The following CAST variants were observed in gnomAD, a reference collection of about 807,000 sequenced individuals.
CAST encodes the protein calpastatin, also known as MIR583 host.
CAST carries 76 observed loss-of-function variants against 119.6 expected under a neutral mutation model. That is an observed-to-expected ratio of 0.64 (90% CI 0.53 to 0.77). The LOEUF (loss-of-function observed/expected upper bound fraction) is 0.77, where lower values mean the gene tolerates loss of function less well. Ranked by LOEUF, CAST falls within the 30% of genes least tolerant of loss-of-function variation. The pLI is 0.00. For missense variants in CAST, 953 were observed against 946.5 expected, an observed-to-expected ratio of 1.01 and a Z score of -0.09; for synonymous variants, 319 against 331.6, an observed-to-expected ratio of 0.96 and a Z score of 0.41.
chr5:96,563,929 G>T (rs1746427289), intron 1 of CAST, among the ~76,000 whole-genome samples: 1 of 152,188 alleles, frequency 6.6e-6, no homozygotes, highest in Non-Finnish European at 1.5e-5. Context: ...CAGGCTGTCA[G>T]CAGGCTATGA....
At chr5:96,137,828 T>C in the CAST span, among the ~76,000 whole-genome samples, 4 of 152,128 alleles carry the variant, frequency 2.6e-5, no homozygotes, top group African/African-American at 9.6e-5. Flanking sequence ...TTGTCTGTTT[T>C]TTAGTTGGTC....
At chr5:96,087,254 T>A in the CAST span, among the ~76,000 whole-genome samples, 4 of 152,218 alleles carry the variant, frequency 2.6e-5, no homozygotes, top group Non-Finnish European at 4.4e-5. Context: ...TCATTTACAT[T>A]TTTTCCTGTA....
chr5:96,539,810 A>G (rs529290576), intron 1 of CAST, among the ~76,000 whole-genome samples: 1 of 152,184 alleles, frequency 6.6e-6, no homozygotes, highest in Non-Finnish European at 1.5e-5. Context: ...GCTGGCTTCA[A>G]TTGGTGTATT....
the CAST span, among the ~76,000 whole-genome samples, chr5:95,962,606 G>A: frequency 6.6e-6 from 1 of 152,170 alleles, no homozygotes; most frequent in Non-Finnish European, 1.5e-5. Flanking sequence ...AATCACGCGG[G>A]AGGTTAAATG....
chr5:96,005,311 A>C, the CAST span, among the ~76,000 whole-genome samples: 1 of 152,156 alleles, frequency 6.6e-6, no homozygotes, highest in East Asian at 1.9e-4. Flanking sequence ...TACAGACTGG[A>C]ACAAGAGAAT....
chr5:96,731,855 G>A (rs2150458550), intron 9 of CAST, among the ~76,000 whole-genome samples: 1 of 152,058 alleles, frequency 6.6e-6, no homozygotes, highest in Non-Finnish European at 1.5e-5. Context: ...TGGCTGCATA[G>A]TATTCCATGG....
chr5:96,493,118 C>A, the CAST span, among the ~76,000 whole-genome samples: 1 of 152,088 alleles, frequency 6.6e-6, no homozygotes, highest in Non-Finnish European at 1.5e-5. Context: ...AGAAACAGTG[C>A]TTTATAAGTC....
intron 7 of CAST, 42 bp downstream of exon 7, chr5:96,729,251 T>G (rs1192961082): frequency 9.8e-7 from 1 of 1,023,316 alleles, no homozygotes. Context: ...GGCAACCTCT[T>G]TTGGTGGGAT....
chr5:96,481,945 A>G, the CAST span, among the ~76,000 whole-genome samples: 1 of 152,104 alleles, frequency 6.6e-6, no homozygotes, highest in African/African-American at 2.4e-5. Flanking sequence ...ACTTAAAAAA[A>G]CTCTAAGTAA....
the CAST span, among the ~76,000 whole-genome samples, chr5:96,232,091 A>C: frequency 6.6e-6 from 1 of 152,222 alleles, no homozygotes; most frequent in East Asian, 1.9e-4. Flanking sequence ...CTTTTCATAC[A>C]TAATATATTT....
At position 96,689,980 on chromosome 5, in the gene CAST, G is replaced by C. The variant is rs74528493; in HGVS notation, c.139-5856G>C. Among the ~76,000 whole-genome samples the C allele has an allele frequency of 6.0e-4, 91 of 152,240 alleles. No homozygotes were observed. In the East Asian group the frequency reaches 0.017, roughly 28 times the overall value. On this transcript the variant is annotated intron_variant, in intron 2 of 31. Transcript: ENST00000675179. ...TTTCCCTTTGTAGGTAGGAGATGAG[G>C]CTCTGAGGGAAGCAGAGGCAGAGCC...
chr5:96,304,659 T>C, the CAST span, among the ~76,000 whole-genome samples: 7 of 152,264 alleles, frequency 4.6e-5, no homozygotes, highest in Admixed American at 1.3e-4. Flanking sequence ...ATTTCAGCTT[T>C]CTGCATATGG....
the CAST span, among the ~76,000 whole-genome samples, chr5:96,129,310 G>T: frequency 6.6e-6 from 1 of 152,092 alleles, no homozygotes; most frequent in African/African-American, 2.4e-5. Context: ...TGAGCCCCCA[G>T]ATCTTTATTA....
intron 2 of CAST, among the ~76,000 whole-genome samples, chr5:96,693,963 C>T (rs1753003172): frequency 6.6e-6 from 1 of 152,106 alleles, no homozygotes; most frequent in South Asian, 2.1e-4. Context: ...CCTGCAAATG[C>T]CTGTGAGGCC....
At chr5:96,069,361 G>GTGTGTGTGTGTGTGTCTA in the CAST span, among the ~76,000 whole-genome samples, 1 of 63,872 alleles carries the variant, frequency 1.6e-5, no homozygotes, top group Non-Finnish European at 4.1e-5. Flanking sequence ...ATGTATGTGT[G>GTGTGTGTGTGTGTGTCTA]TGTGTGTGTG....
the CAST span, among the ~76,000 whole-genome samples, chr5:96,171,464 C>T: frequency 2.0e-5 from 3 of 152,206 alleles, no homozygotes; most frequent in Admixed American, 6.5e-5. Context: ...CCAAAGCAGG[C>T]GTCCCTGCAA....
chr5:96,187,672 C>G, the CAST span, among the ~76,000 whole-genome samples: 1 of 152,210 alleles, frequency 6.6e-6, no homozygotes, highest in African/African-American at 2.4e-5. Context: ...GAGAGAAGGA[C>G]TGTGACTTGT....
the CAST span, among the ~76,000 whole-genome samples, chr5:96,133,543 T>C: frequency 6.6e-6 from 1 of 152,232 alleles, no homozygotes; most frequent in Non-Finnish European, 1.5e-5. Flanking sequence ...TTAAGTGGTA[T>C]AACTGAAATG....
chr5:96,730,405 A>G (rs1041758010), intron 8 of CAST, among the ~76,000 whole-genome samples: 1 of 152,224 alleles, frequency 6.6e-6, no homozygotes, highest in African/African-American at 2.4e-5. Context: ...ATTGCCAGCA[A>G]TCAAAGTCAG....
Sources: gnomAD v4.1 joint callset for allele counts (sites outside exome capture counted in the v4.1 genomes callset) on GRCh38, gnomAD v4.1.1 for gene constraint, MANE v1.5 for transcripts, NCBI Gene and HGNC (gene_info 2026-07-23, HGNC 2026-07-21) for gene names.